Variants in COX10 observed in about 807,000 individuals in gnomAD.
COX10 encodes the protein protoheme IX farnesyltransferase, mitochondrial.
Under a neutral mutation model 37.3 loss-of-function variants are expected in COX10, and 27 were observed. That is an observed-to-expected ratio of 0.72 (90% CI 0.53 to 1.00). The LOEUF is 1.00. COX10 is among the 50% of genes least tolerant of loss of function. The pLI is 0.00. For synonymous variants in COX10, 222 were observed against 229.1 expected (o/e 0.97, Z 0.28); for missense variants, 475 against 563.2 (o/e 0.84, Z 1.59).
chr17:14,199,468 GT>G (rs1466554826), intron 6 of COX10, among the ~76,000 whole-genome samples: 5 of 152,224 alleles, frequency 3.3e-5, no homozygotes, highest in Non-Finnish European at 7.3e-5. Flanking sequence ...GGGGAGCACT[GT>G]TTTCAGAGTC....
At chr17:14,174,505 C>T (rs1018724539) in intron 5 of COX10, among the ~76,000 whole-genome samples, 1 of 150,514 alleles carries the variant, frequency 6.6e-6, no homozygotes, top group Non-Finnish European at 1.5e-5. Context: ...AGGCCCTACT[C>T]CAAAGAAGAA....
At chr17:14,190,765 T>A (rs1906176209) in intron 5 of COX10, among the ~76,000 whole-genome samples, 1 of 152,148 alleles carries the variant, frequency 6.6e-6, no homozygotes, top group Non-Finnish European at 1.5e-5. Flanking sequence ...TTCTAACTCG[T>A]CATAATTCTA....
intron 5 of COX10, among the ~76,000 whole-genome samples, chr17:14,186,708 T>C (rs1286054813): frequency 6.6e-6 from 1 of 151,900 alleles, no homozygotes; most frequent in Non-Finnish European, 1.5e-5. Flanking sequence ...CTGAAGGTGC[T>C]TTTAAGCCCA....
intron 4 of COX10, among the ~76,000 whole-genome samples, chr17:14,140,126 A>G (rs1171899913): frequency 6.6e-6 from 1 of 152,150 alleles, no homozygotes; most frequent in Non-Finnish European, 1.5e-5. Flanking sequence ...TGTAACATTC[A>G]ATTTTAAAAA....
At chr17:14,164,889 T>C (rs1329328775) in intron 5 of COX10, among the ~76,000 whole-genome samples, 4 of 152,226 alleles carry the variant, frequency 2.6e-5, no homozygotes, top group African/African-American at 7.2e-5. Context: ...AGAGATCACG[T>C]AGGGAAAGTG....
intron 4 of COX10, among the ~76,000 whole-genome samples, chr17:14,150,842 G>T (rs2142232933): frequency 6.6e-6 from 1 of 152,316 alleles, no homozygotes; most frequent in South Asian, 2.1e-4. Flanking sequence ...GACCTGGACA[G>T]CTGCCCAAAT....
chr17:14,073,204 C>A (rs1476594680), intron 1 of COX10, among the ~76,000 whole-genome samples: 1 of 152,146 alleles, frequency 6.6e-6, no homozygotes, highest in African/African-American at 2.4e-5. Context: ...GGAGGACTGG[C>A]TTGAATGCTG....
Position 14,207,459 on chromosome 17 carries a change from A to G in COX10, c.*246A>G. On this transcript the variant is annotated 3_prime_UTR_variant, in exon 7 of 7. Transcript: ENST00000261643. ...TATTTTTCCCTTTGAGGGTCTTTAT[A>G]CATCTCTCCTCCAACCCCACCCTCT... is the stretch of plus-strand genomic sequence containing the variant. 1.9e-6 allele frequency: 1 copy of G among 528,590 alleles called. No homozygotes were observed. Among genetic ancestry groups the G allele is most frequent in the Non-Finnish European group, 3.3e-6 (1 of 303,746 alleles). The allele number at this position is 528,590 out of a possible 1,614,324, so 32.7% of individuals were successfully genotyped here.
chr17:14,206,998 G>T lies in COX10; in HGVS notation c.1117G>T (p.Val373Leu). The change falls in exon 7 of 7, where the codon GTG becomes TTG. Residue 373 changes from valine to leucine, a missense_variant. By Grantham distance (32) the Val-to-Leu change is conservative (BLOSUM62 1). Coordinates refer to ENST00000261643, the MANE Select transcript of COX10 (RefSeq NM_001303.4). ...GCTCGTGCTGTCCGCAGCAGCCCCTGTGCTGGACATCACCACATGGACCTT... is the reference window on the plus strand; with the variant it reads ...GCTCGTGCTGTCCGCAGCAGCCCCTTTGCTGGACATCACCACATGGACCTT... ...ALLVLSAAAP[V>L]LDITTWTFPI... The T allele has an allele frequency of 4.3e-6, 7 of 1,614,052 alleles. No individual in the cohort carries two copies. Among genetic ancestry groups the T allele is most frequent in the Non-Finnish European group, 5.9e-6 (7 of 1,179,916 alleles).
At chr17:14,125,411 C>A (rs191345138) in intron 4 of COX10, among the ~76,000 whole-genome samples, 19 of 152,110 alleles carry the variant, frequency 1.2e-4, no homozygotes, top group Non-Finnish European at 2.5e-4. Flanking sequence ...AGGGTATTGC[C>A]ATTAACAGGG....
At chr17:14,166,496 G>A (rs1215892499) in intron 5 of COX10, among the ~76,000 whole-genome samples, 2 of 151,976 alleles carry the variant, frequency 1.3e-5, no homozygotes, top group Non-Finnish European at 2.9e-5. Flanking sequence ...ACTGCTTATT[G>A]ACAATGCACC....
intron 4 of COX10, among the ~76,000 whole-genome samples, chr17:14,138,286 T>G (rs1312851484): frequency 6.6e-6 from 1 of 152,178 alleles, no homozygotes; most frequent in Non-Finnish European, 1.5e-5. Flanking sequence ...TTTAAGGGGC[T>G]TTTAGAATAT....
chr17:14,183,864 T>G (rs1401182275), intron 5 of COX10, among the ~76,000 whole-genome samples: 1 of 152,224 alleles, frequency 6.6e-6, no homozygotes, highest in Non-Finnish European at 1.5e-5. Context: ...TTGTTTAAGG[T>G]CTGTCTTCCT....
intron 1 of COX10, among the ~76,000 whole-genome samples, chr17:14,073,402 G>T (rs547177852): frequency 6.6e-6 from 1 of 152,238 alleles, no homozygotes; most frequent in South Asian, 2.1e-4. Flanking sequence ...ATGGTTTTAT[G>T]TACAATAGGG....
At chr17:14,073,160 C>T (rs1322818541) in intron 1 of COX10, among the ~76,000 whole-genome samples, 3 of 151,986 alleles carry the variant, frequency 2.0e-5, no homozygotes, top group South Asian at 2.1e-4. Flanking sequence ...CCTCTGGGAA[C>T]GTGGATTGGA....
intron 5 of COX10, among the ~76,000 whole-genome samples, chr17:14,160,566 G>A (rs962184159): frequency 4.6e-5 from 7 of 152,156 alleles, no homozygotes; most frequent in Admixed American, 3.3e-4. Context: ...TACTGACTAT[G>A]TAAATCACTG....
At chr17:14,155,650 G>T (rs891155204) in intron 4 of COX10, among the ~76,000 whole-genome samples, 1 of 151,760 alleles carries the variant, frequency 6.6e-6, no homozygotes, top group African/African-American at 2.4e-5. Flanking sequence ...AGGAGGCGGA[G>T]CTTGCAGTGA....
At chr17:14,117,644 T>A (rs994273291) in intron 4 of COX10, among the ~76,000 whole-genome samples, 2 of 151,784 alleles carry the variant, frequency 1.3e-5, no homozygotes, top group Non-Finnish European at 2.9e-5. Context: ...GTAGAGATCA[T>A]GGGGAGCATT....
rs1449294347 is a variant in COX10, at chr17:14,102,318, A to G, written c.624+76A>G. On this transcript the variant is annotated intron_variant, in intron 4 of 6. Coordinates refer to ENST00000261643, the MANE Select transcript of COX10 (RefSeq NM_001303.4). ...TGGCTGTATTGTCATATTTTTAAAT[A>G]CCTTCCAAACTCATATATTGATGGA... The G allele has an allele frequency of 5.2e-6, 8 of 1,548,044 alleles. No homozygotes were observed. The Admixed American group carries it at 7.2e-5, about 14-fold the overall frequency.
Sources: gnomAD v4.1 joint callset for allele counts (sites outside exome capture counted in the v4.1 genomes callset) on GRCh38, gnomAD v4.1.1 for gene constraint, MANE v1.5 for transcripts, NCBI Gene and HGNC (gene_info 2026-07-23, HGNC 2026-07-21) for gene names.